The following CCR4 variants were observed in gnomAD, a reference collection of about 807,000 sequenced individuals.
CCR4 encodes the protein C-C motif chemokine receptor 4, also known as C-C chemokine receptor type 4.
Under a neutral mutation model 17.1 loss-of-function variants are expected in CCR4, and 9 were observed. That is an observed-to-expected ratio of 0.53 (90% confidence interval 0.32 to 0.92). CCR4 has a LOEUF of 0.92. CCR4 is among the 40% of genes least tolerant of loss of function. The probability of loss-of-function intolerance (pLI) is 0.04; values close to 1 mark genes in which losing one functional copy is unlikely to be tolerated. For missense variants in CCR4, 385 were observed against 433.9 expected, an observed-to-expected ratio of 0.89 and a Z score of 1.00; for synonymous variants, 217 against 174.3, an observed-to-expected ratio of 1.24 and a Z score of -1.93.
intron 1 of CCR4, among the ~76,000 whole-genome samples, chr3:32,952,504 C>T (rs1272621094): frequency 1.3e-5 from 2 of 152,196 alleles, no homozygotes; most frequent in Non-Finnish European, 2.9e-5. Flanking sequence ...AGTGATCCTC[C>T]CTCCTCGGCC....
In CCR4 at chr3:32,954,495, A is replaced by G. The variant is rs1697731667; in HGVS notation, c.1073A>G (p.Asp358Gly). 2 of 1,525,140 alleles carry G rather than the reference A, an allele frequency of 1.3e-6. No individual in the cohort carries two copies. Among genetic ancestry groups the G allele is most frequent in the Middle Eastern group, 1.8e-4 (1 of 5,626 alleles). 94.5% of individuals were successfully genotyped at this position (1,525,140 alleles called of 1,614,324 possible). Residue 358 changes from aspartate (D) to glycine (G), a missense_variant, in exon 2 of 2, where the codon GAT becomes GGT. Physicochemically the swap from Asp to Gly is moderately conservative, Grantham distance 94 (BLOSUM62 -1). Coordinates refer to ENST00000330953, the MANE Select transcript of CCR4 (RefSeq NM_005508.5). ...TQSTMDHDLH[D>G]AL Reference sequence around the variant, plus strand: ...TCCACCATGGATCATGATCTCCATGATGCTCTGTAGAAAAATGAAATGGTG... The same window carrying G: ...TCCACCATGGATCATGATCTCCATGGTGCTCTGTAGAAAAATGAAATGGTG...
chr3:32,952,195 A>G (rs1235028913), intron 1 of CCR4, among the ~76,000 whole-genome samples: 1 of 152,036 alleles, frequency 6.6e-6, no homozygotes, highest in Non-Finnish European at 1.5e-5. Flanking sequence ...TTCAGTATCT[A>G]TTTGCATGAG....
chr3:32,951,787 A>G (rs1184748558), intron 1 of CCR4, 97 bp downstream of exon 1: 1 of 152,552 alleles, frequency 6.6e-6, no homozygotes, highest in African/African-American at 2.4e-5. Flanking sequence ...TAGGGCTTAC[A>G]CTTGGCACCT....
At chr3:32,952,838 T>TG (rs1433956843) in intron 1 of CCR4, among the ~76,000 whole-genome samples, 1 of 152,156 alleles carries the variant, frequency 6.6e-6, no homozygotes, top group Non-Finnish European at 1.5e-5. Context: ...TGAAGGTGGT[T>TG]GGGGAGGTAG....
chr3:32,955,604 GTTTTTTTTTTT>G lies in CCR4; in HGVS notation c.*1112_*1122del, dbSNP rs1191713351. 5 of 85,516 alleles carry G rather than the reference GTTTTTTTTTTT, an allele frequency of 5.8e-5. No individual in the cohort carries two copies. The East Asian group carries it at 1.4e-3, about 24-fold the overall frequency. The allele number at this position is 85,516 out of a possible 1,614,324, so 5.3% of individuals were successfully genotyped here. On this transcript the variant is annotated 3_prime_UTR_variant, in exon 2 of 2. Coordinates refer to ENST00000330953, the MANE Select transcript of CCR4 (RefSeq NM_005508.5). ...TACATTTATTTGAGGTCATTTACTT[GTTTTTTTTTTT>G]TTTTTTTTTTTTGAGATGGAATCTT...
Position 32,954,196 on chromosome 3 carries a change from C to T in CCR4, c.774C>T (p.Tyr258=). ...VVLFLGFWTP[Y]NIVLFLETLV... ...TCTTCCTTGGGTTCTGGACACCTTACAACATAGTGCTCTTCCTAGAGACCC... is the reference window on the plus strand; with the variant it reads ...TCTTCCTTGGGTTCTGGACACCTTATAACATAGTGCTCTTCCTAGAGACCC... The change falls in exon 2 of 2, where the codon TAC becomes TAT. Residue 258 remains tyrosine, a synonymous_variant. Transcript: ENST00000330953. 1.9e-6 allele frequency: 3 copies of T among 1,614,092 alleles called. No homozygotes were observed. The highest frequency in any genetic ancestry group is 2.5e-6 in the Non-Finnish European group (3 of 1,179,958).
chr3:32,953,647 T>G lies in CCR4; in HGVS notation c.225T>G (p.Asp75Glu), dbSNP rs1370854529. The G allele has an allele frequency of 6.2e-7, 1 of 1,614,000 alleles. No homozygotes were observed. The highest frequency in any genetic ancestry group is 1.3e-5 in the African/African-American group (1 of 74,890). Residue 75 changes from aspartate (D) to glutamate (E), a missense_variant, in exon 2 of 2, where the codon GAT becomes GAG. Physicochemically the swap from Asp to Glu is conservative, Grantham distance 45. Transcript: ENST00000330953. ...ACAAGCGGCTCAGGTCCATGACTGATGTGTACCTGCTCAACCTTGCCATCT... is the reference window on the plus strand; with the variant it reads ...ACAAGCGGCTCAGGTCCATGACTGAGGTGTACCTGCTCAACCTTGCCATCT... Reference protein sequence around the residue: ...FKYKRLRSMTDVYLLNLAISD... With the variant: ...FKYKRLRSMTEVYLLNLAISD...
chr3:32,953,977 C>G lies in CCR4; in HGVS notation c.555C>G (p.Thr185=), dbSNP rs781679311. ...CTTGTTATACTGAGCGCAACCATAC[C>G]TACTGCAAAACCAAGTACTCTCTCA... The part of the protein sequence containing the change: ...FSTCYTERNH[T]YCKTKYSLNS... The change falls in exon 2 of 2, where the codon ACC becomes ACG. Residue 185 remains threonine, a synonymous_variant. Coordinates refer to ENST00000330953, the MANE Select transcript of CCR4 (RefSeq NM_005508.5). The G allele has an allele frequency of 6.2e-7, 1 of 1,614,096 alleles. No individual in the cohort carries two copies. Among genetic ancestry groups the G allele is most frequent in the South Asian group, 1.1e-5 (1 of 91,072 alleles).
Position 32,954,088 on chromosome 3 carries a change from C to T in CCR4, c.666C>T (p.Tyr222=). The T allele has an allele frequency of 6.2e-7, 1 of 1,614,166 alleles. No homozygotes were observed. Among genetic ancestry groups the T allele is most frequent in the Non-Finnish European group, 8.5e-7 (1 of 1,180,014 alleles). ...VIPLGIMLFC[Y]SMIIRTLQHC... is the part of the protein sequence containing the mutation. ...CCTTAGGGATCATGCTGTTTTGCTACTCCATGATCATCAGGACCTTGCAGC... is the reference window on the plus strand; with the variant it reads ...CCTTAGGGATCATGCTGTTTTGCTATTCCATGATCATCAGGACCTTGCAGC... The change falls in exon 2 of 2, where the codon TAC becomes TAT. Residue 222 remains tyrosine, a synonymous_variant. Coordinates refer to ENST00000330953, the MANE Select transcript of CCR4 (RefSeq NM_005508.5).
chr3:32,952,946 TTTG>T (rs1697693237), intron 1 of CCR4, among the ~76,000 whole-genome samples: 1 of 152,204 alleles, frequency 6.6e-6, no homozygotes, highest in African/African-American at 2.4e-5. Context: ...TTACGTGCAG[TTTG>T]ATGATGATCA....
At chr3:32,952,253 TTTTTA>T (rs1157128098) in intron 1 of CCR4, among the ~76,000 whole-genome samples, 2 of 152,130 alleles carry the variant, frequency 1.3e-5, no homozygotes, top group Non-Finnish European at 2.9e-5. Flanking sequence ...TTTTCTTTCC[TTTTTA>T]TTTTTTATTT....
chr3:32,952,906 C>G (rs1488150488), intron 1 of CCR4, among the ~76,000 whole-genome samples: 1 of 152,108 alleles, frequency 6.6e-6, no homozygotes, highest in African/African-American at 2.4e-5. Flanking sequence ...AATTCCCACT[C>G]TAATAGGATT....
At position 32,953,846 on chromosome 3, in the gene CCR4, G is replaced by A. The variant is rs376162205; in HGVS notation, c.424G>A (p.Ala142Thr). ...TGATAGATACCTGGCAATTGTGCACGCGGTGTTTTCCTTGAGGGCAAGGAC... is the reference window on the plus strand; with the variant it reads ...TGATAGATACCTGGCAATTGTGCACACGGTGTTTTCCTTGAGGGCAAGGAC... ...SIDRYLAIVH[A>T]VFSLRARTLT... is the part of the protein sequence containing the mutation. The change falls in exon 2 of 2, where the codon GCG becomes ACG. Residue 142 changes from alanine to threonine, a missense_variant. Transcript: ENST00000330953. 8.1e-6 allele frequency: 13 copies of A among 1,613,926 alleles called. No homozygotes were observed. Among genetic ancestry groups the A allele is most frequent in the East Asian group, 4.5e-5 (2 of 44,878 alleles).
In CCR4 at chr3:32,954,402, T is replaced by G. The variant is rs145590998; in HGVS notation, c.980T>G (p.Val327Gly). The G allele has an allele frequency of 9.3e-6, 15 of 1,611,972 alleles. No homozygotes were observed. The African/African-American group carries it at 1.7e-4, about 19-fold the overall frequency. The change falls in exon 2 of 2, where the codon GTG becomes GGG. Residue 327 changes from valine (V) to glycine (G), a missense_variant. Coordinates refer to ENST00000330953, the MANE Select transcript of CCR4 (RefSeq NM_005508.5). ...TTCAAAACCTGCAGGGGCCTTTTTG[T>G]GCTCTGCCAATACTGTGGGCTCCTC... is the stretch of plus-strand genomic sequence containing the variant. ...QLFKTCRGLF[V>G]LCQYCGLLQI...
chr3:32,953,530 A>G lies in CCR4; in HGVS notation c.108A>G (p.Ala36=). The G allele has an allele frequency of 6.2e-7, 1 of 1,614,122 alleles. No homozygotes were observed. Among genetic ancestry groups the G allele is most frequent in the South Asian group, 1.1e-5 (1 of 91,068 alleles). Reference sequence around the variant, plus strand: ...CTTGCACCAAAGAAGGCATCAAGGCATTTGGGGAGCTCTTCCTGCCCCCAC... The same window carrying G: ...CTTGCACCAAAGAAGGCATCAAGGCGTTTGGGGAGCTCTTCCTGCCCCCAC... ...PKPCTKEGIK[A]FGELFLPPLY... The change falls in exon 2 of 2, where the codon GCA becomes GCG. Residue 36 remains alanine, a synonymous_variant. Transcript: ENST00000330953.
At chr3:32,952,599 G>GT (rs1697689320) in intron 1 of CCR4, among the ~76,000 whole-genome samples, 1 of 152,190 alleles carries the variant, frequency 6.6e-6, no homozygotes, top group East Asian at 1.9e-4. Flanking sequence ...TTGGGCATTG[G>GT]GTGTGTGGTG....
At position 32,953,881 on chromosome 3, in the gene CCR4, TG is replaced by T; in HGVS notation, c.463del (p.Val155SerfsTer58). ...CCTTGAGGGCAAGGACCTTGACTTA[TG>T]GGGTCATCACCAGTTTGGCTACATG... ...FSLRARTLTY[G>X]VITSLATWSV... On this transcript the variant is annotated frameshift_variant, in exon 2 of 2. Transcript: ENST00000330953. LOFTEE classifies it high-confidence loss of function. 6.2e-7 allele frequency: 1 copy of T among 1,614,136 alleles called. No individual in the cohort carries two copies. The highest frequency in any genetic ancestry group is 8.5e-7 in the Non-Finnish European group (1 of 1,180,034).
In CCR4 at chr3:32,953,713, C is replaced by T; in HGVS notation, c.291C>T (p.Tyr97=). 6.2e-7 allele frequency: 1 copy of T among 1,614,080 alleles called. No individual in the cohort carries two copies. Among genetic ancestry groups the T allele is most frequent in the Non-Finnish European group, 8.5e-7 (1 of 1,180,026 alleles). ...TGTTTTCCCTCCCTTTTTGGGGCTA[C>T]TATGCAGCAGACCAGTGGGTTTTTG... is the stretch of plus-strand genomic sequence containing the variant. ...LFVFSLPFWG[Y]YAADQWVFGL... The change falls in exon 2 of 2, where the codon TAC becomes TAT. Residue 97 remains tyrosine (Y), a synonymous_variant. Transcript: ENST00000330953.
At position 32,953,429 on chromosome 3, in the gene CCR4, C is replaced by T. The variant is rs769449579; in HGVS notation, c.7C>T (p.Pro3Ser). 3 of 1,601,664 alleles carry T rather than the reference C, an allele frequency of 1.9e-6. No individual in the cohort carries two copies. Among genetic ancestry groups the T allele is most frequent in the Non-Finnish European group, 2.6e-6 (3 of 1,174,264 alleles). Reference protein sequence around the residue: MNPTDIADTTLDE... With the variant: MNSTDIADTTLDE... ...GAGCCTGTAGAGTTAAAAAATGAACCCCACGGATATAGCAGACACCACCCT... is the reference window on the plus strand; with the variant it reads ...GAGCCTGTAGAGTTAAAAAATGAACTCCACGGATATAGCAGACACCACCCT... Residue 3 changes from proline to serine, a missense_variant, in exon 2 of 2, where the codon CCC becomes TCC. Coordinates refer to ENST00000330953, the MANE Select transcript of CCR4 (RefSeq NM_005508.5).
Sources: allele counts gnomAD v4.1 joint callset (sites outside exome capture counted in the v4.1 genomes callset), GRCh38; gene constraint gnomAD v4.1.1; transcripts MANE v1.5; gene names NCBI Gene and HGNC (gene_info 2026-07-23, HGNC 2026-07-21).